The following DOCK9 variants were observed in gnomAD, a reference collection of about 807,000 sequenced individuals.
DOCK9 encodes dedicator of cytokinesis 9, also known as dedicator of cytokinesis protein 9.
DOCK9 carries 89 observed loss-of-function variants against 263.3 expected under a neutral mutation model. That is an observed-to-expected ratio of 0.34 (90% CI 0.28 to 0.40). DOCK9 has a LOEUF of 0.40. DOCK9 is among the 10% of genes least tolerant of loss of function. The pLI, the probability that DOCK9 is intolerant of heterozygous loss-of-function variation, is 1.00. For synonymous variants in DOCK9, 976 were observed against 973.1 expected, an observed-to-expected ratio of 1.00 and a Z score of -0.06; for missense variants, 2,140 against 2,603.4, an observed-to-expected ratio of 0.82 and a Z score of 3.87.
intron 44 of DOCK9, chr13:98,826,044 T>C: frequency 1.1e-6 from 1 of 906,194 alleles, no homozygotes. Flanking sequence ...TTTGGGGCTC[T>C]GCTGTTTCAT....
At chr13:98,898,144 A>C (rs764759890) in intron 14 of DOCK9, 35 bp downstream of exon 14, 11 of 1,447,468 alleles carry the variant, frequency 7.6e-6, no homozygotes, top group East Asian at 2.3e-5. Flanking sequence ...GCACCTATCT[A>C]TATCGATTTA....
intron 27 of DOCK9, among the ~76,000 whole-genome samples, chr13:98,878,305 T>A (rs1465306465): frequency 6.6e-6 from 1 of 152,222 alleles, no homozygotes; most frequent in Non-Finnish European, 1.5e-5. Flanking sequence ...ATAATCCTAT[T>A]CTGTATATAA....
intron 1 of DOCK9, among the ~76,000 whole-genome samples, chr13:99,023,878 A>G (rs1036798147): frequency 1.3e-5 from 2 of 152,224 alleles, no homozygotes; most frequent in African/African-American, 4.8e-5. Context: ...CCTTCCAACT[A>G]TATAGCATCA....
chr13:98,975,472 T>TACACAC (rs146581245), intron 1 of DOCK9, among the ~76,000 whole-genome samples: 20,765 of 142,324 alleles, frequency 0.15, 1,693 homozygotes, highest in East Asian at 0.36. Flanking sequence ...TCTAAACACA[T>TACACAC]ACACACACAC....
intron 30 of DOCK9, among the ~76,000 whole-genome samples, chr13:98,866,385 G>A (rs1240426636): frequency 2.6e-5 from 4 of 152,152 alleles, no homozygotes; most frequent in Non-Finnish European, 4.4e-5. Context: ...ATCCTTAAAA[G>A]GCAGTACCAG....
chr13:98,864,180 T>C (rs1053006341), intron 30 of DOCK9, among the ~76,000 whole-genome samples: 6 of 152,176 alleles, frequency 3.9e-5, no homozygotes, highest in Non-Finnish European at 7.4e-5. Context: ...TCTCCACCTC[T>C]GAAAACAAAT....
At chr13:98,947,267 T>C (rs1200053257) in intron 2 of DOCK9, among the ~76,000 whole-genome samples, 1 of 152,204 alleles carries the variant, frequency 6.6e-6, no homozygotes, top group East Asian at 1.9e-4. Context: ...CTTATCTTTA[T>C]GATTCCAAGC....
rs765965731 is a variant in DOCK9, at chr13:98,863,449, C to A, written c.3386G>T (p.Arg1129Leu). ...ACTGATGGCGATCAGACGGACCTCC[C>A]GGAACTCCTGGAGGGCTGTCCCCAC... Reference protein sequence around the residue: ...REVGTALQEFREVRLIAISVL... With the variant: ...REVGTALQEFLEVRLIAISVL... Residue 1129 changes from arginine (R) to leucine (L), a missense_variant, in exon 31 of 53, where the codon CGG becomes CTG. This residue lies in a region of DOCK9 where 1,521 missense variants were observed against 1,741.7 expected (regional missense o/e 0.87). Transcript: ENST00000682017. The A allele has an allele frequency of 1.9e-6, 3 of 1,613,934 alleles. No individual in the cohort carries two copies. The Admixed American group carries it at 5.0e-5, about 27-fold the overall frequency.
intron 9 of DOCK9, among the ~76,000 whole-genome samples, chr13:98,907,121 A>G (rs1235042207): frequency 4.6e-5 from 7 of 152,206 alleles, no homozygotes; most frequent in Non-Finnish European, 1.0e-4. Context: ...TTTTCACACC[A>G]AAAGAGTGAG....
At chr13:99,054,175 T>C (rs1386465964) in intron 1 of DOCK9, among the ~76,000 whole-genome samples, 1 of 152,214 alleles carries the variant, frequency 6.6e-6, no homozygotes, top group Non-Finnish European at 1.5e-5. Flanking sequence ...CTCAGGCATA[T>C]TTATAAACCC....
chr13:98,845,805 C>T, intron 38 of DOCK9, 119 bp downstream of exon 38: 2 of 1,348,766 alleles, frequency 1.5e-6, no homozygotes, highest in Non-Finnish European at 2.0e-6. Context: ...CTTCATCCTA[C>T]TTGCTTTGAG....
intron 1 of DOCK9, among the ~76,000 whole-genome samples, chr13:99,032,766 TGAAGA>T (rs1651168299): frequency 6.6e-6 from 1 of 152,320 alleles, no homozygotes; most frequent in African/African-American, 2.4e-5. Context: ...AAGGAATACT[TGAAGA>T]GTCTGTTTCC....
chr13:99,084,158 T>TGGC (rs1168867257), intron 1 of DOCK9, among the ~76,000 whole-genome samples: 2 of 152,170 alleles, frequency 1.3e-5, no homozygotes, highest in Admixed American at 6.5e-5. Context: ...GCACCTGCTG[T>TGGC]GGCTCCCTGG....
chr13:99,088,475 G>C (rs1468257030), upstream of DOCK9: 1 of 152,196 alleles, frequency 6.6e-6, no homozygotes, highest in Non-Finnish European at 1.5e-5. Flanking sequence ...AGAATCATGA[G>C]TTAGAGCCTC....
intron 1 of DOCK9, among the ~76,000 whole-genome samples, chr13:98,959,697 G>C (rs919174920): frequency 3.9e-5 from 6 of 152,192 alleles, no homozygotes; most frequent in Admixed American, 6.5e-5. Context: ...GGGAGCAGAA[G>C]GAGATGCAGG....
intron 21 of DOCK9, 116 bp downstream of exon 21, chr13:98,884,855 T>C (rs1216184269): frequency 8.0e-7 from 1 of 1,252,700 alleles, no homozygotes; most frequent in Admixed American, 2.5e-5. Context: ...ATAACTAATA[T>C]CAAAATGGTG....
intron 9 of DOCK9, among the ~76,000 whole-genome samples, chr13:98,913,949 C>T (rs1193972731): frequency 1.3e-5 from 2 of 152,122 alleles, no homozygotes; most frequent in East Asian, 3.9e-4. Context: ...CAGGTCCTTC[C>T]TCTTTGGAAC....
intron 1 of DOCK9, among the ~76,000 whole-genome samples, chr13:99,001,778 G>A (rs570259325): frequency 1.4e-4 from 22 of 152,214 alleles, no homozygotes; most frequent in Non-Finnish European, 3.1e-4. Flanking sequence ...AAGCTCAAGC[G>A]TCCGCATGCT....
chr13:98,839,946 T>C lies in DOCK9; in HGVS notation c.4199-2337A>G, dbSNP rs16951616. On this transcript the variant is annotated intron_variant, in intron 38 of 52. Coordinates refer to ENST00000682017, the MANE Select transcript of DOCK9 (RefSeq NM_001366683.2). ...AGGAATCTAAAAGAAATGGTCCTTT[T>C]AGCCACATATTGTTATGCTTTGCTT... 6.4e-3 allele frequency among the ~76,000 whole-genome samples: 974 copies of C among 152,376 alleles called. 14 individuals carry two copies. Among genetic ancestry groups the C allele is most frequent in the African/African-American group, 0.022 (912 of 41,592 alleles).
Sources: gnomAD v4.1 joint callset for allele counts (sites outside exome capture counted in the v4.1 genomes callset) on GRCh38, gnomAD v4.1.1 for gene constraint, gnomAD v4.1.1 regional missense constraint, MANE v1.5 for transcripts, NCBI Gene and HGNC (gene_info 2026-07-23, HGNC 2026-07-21) for gene names.